The following DCLK1 variants were observed in gnomAD, a reference collection of about 807,000 sequenced individuals.
The protein encoded by DCLK1 is doublecortin like kinase 1.
Under a neutral mutation model 86.2 loss-of-function variants are expected in DCLK1, and 16 were observed. The observed-to-expected ratio is 0.19, with a 90% CI of 0.13 to 0.28. The LOEUF (loss-of-function observed/expected upper bound fraction) is 0.28, where lower values mean the gene tolerates loss of function less well. Ranked by LOEUF, DCLK1 falls within the 10% of genes least tolerant of loss-of-function variation. The probability of loss-of-function intolerance (pLI) is 1.00; values close to 1 mark genes in which losing one functional copy is unlikely to be tolerated. For synonymous variants in DCLK1, 369 were observed against 370.5 expected (o/e 1.00, Z 0.05); for missense variants, 590 against 940.2 (o/e 0.63, Z 4.87).
intron 11 of DCLK1, among the ~76,000 whole-genome samples, chr13:35,812,699 G>T (rs9545434): frequency 6.6e-6 from 1 of 152,018 alleles, no homozygotes; most frequent in Non-Finnish European, 1.5e-5. Flanking sequence ...ATTCTTTTAC[G>T]TTTTCTCCAC....
intron 4 of DCLK1, among the ~76,000 whole-genome samples, chr13:35,900,861 C>T (rs986756176): frequency 6.6e-6 from 1 of 152,156 alleles, no homozygotes; most frequent in Non-Finnish European, 1.5e-5. Context: ...AAATTCCGTG[C>T]ATGGAGTCAT....
rs551019774 is a variant in DCLK1 at position 35,986,841 on chromosome 13, C to T, written c.724-39384G>A. 3.3e-5 allele frequency among the ~76,000 whole-genome samples: 5 copies of T among 152,026 alleles called. No homozygotes were observed. In the East Asian group the frequency reaches 7.8e-4, roughly 24 times the overall value. On this transcript the variant is annotated intron_variant, in intron 3 of 16. Coordinates refer to ENST00000360631, the MANE Select transcript of DCLK1 (RefSeq NM_001330071.2). ...CCTTAGTTTTTCAGGGGTGATGATG[C>T]GCGCAATGGGTATGAAGCACAGAAC...
At chr13:35,879,057 A>G (rs937046930) in intron 4 of DCLK1, among the ~76,000 whole-genome samples, 1 of 152,146 alleles carries the variant, frequency 6.6e-6, no homozygotes, top group African/African-American at 2.4e-5. Flanking sequence ...AAGTGCTGGG[A>G]TTATAGGCAT....
chr13:35,904,152 T>C (rs529871730), intron 4 of DCLK1, among the ~76,000 whole-genome samples: 1 of 152,250 alleles, frequency 6.6e-6, no homozygotes, highest in South Asian at 2.1e-4. Flanking sequence ...TTCAAGCAGC[T>C]CAAAGTATCA....
chr13:36,082,099 AT>A (rs1344869341), intron 3 of DCLK1, among the ~76,000 whole-genome samples: 1 of 152,174 alleles, frequency 6.6e-6, no homozygotes, highest in Admixed American at 6.5e-5. Flanking sequence ...TTATACGCAG[AT>A]TTTTTTCAAT....
intron 3 of DCLK1, among the ~76,000 whole-genome samples, chr13:36,033,486 TAATATTGGTGTGACTC>T (rs1343434002): frequency 6.6e-6 from 1 of 152,204 alleles, no homozygotes; most frequent in African/African-American, 2.4e-5. Flanking sequence ...CATTTATTCT[TAATATTGGTGTGACTC>T]AATATTGGTG....
intron 4 of DCLK1, among the ~76,000 whole-genome samples, chr13:35,885,157 T>C (rs534327480): frequency 5.3e-4 from 81 of 152,276 alleles, no homozygotes; most frequent in Non-Finnish European, 9.0e-4. Context: ...GAATGAGGTA[T>C]CTGTGTTTGG....
chr13:36,045,332 G>GTGTGTATATA (rs1434268651), intron 3 of DCLK1, among the ~76,000 whole-genome samples: 1 of 55,772 alleles, frequency 1.8e-5, no homozygotes, highest in African/African-American at 8.0e-5. Flanking sequence ...GTGTGTGTGT[G>GTGTGTATATA]TATATATATA....
At chr13:35,850,869 T>C (rs1870574367) in intron 6 of DCLK1, 1 of 1,078,866 alleles carries the variant, frequency 9.3e-7, no homozygotes, top group Non-Finnish European at 1.3e-6. Context: ...GCATCCCCAG[T>C]TTCTACTATT....
At chr13:35,996,566 C>T (rs1012812485) in intron 3 of DCLK1, among the ~76,000 whole-genome samples, 1 of 152,170 alleles carries the variant, frequency 6.6e-6, no homozygotes, top group Non-Finnish European at 1.5e-5. Flanking sequence ...GGCTGACCTC[C>T]ACAAGCAGGA....
At chr13:36,131,771 T>C (rs917039688), upstream of DCLK1, among the ~76,000 whole-genome samples, 2 of 152,114 alleles carry the variant, frequency 1.3e-5, no homozygotes, top group African/African-American at 4.8e-5. Flanking sequence ...CACTCATACC[T>C]TTTGATGTGA....
intron 3 of DCLK1, among the ~76,000 whole-genome samples, chr13:36,095,568 A>C (rs1453818975): frequency 6.6e-6 from 1 of 152,202 alleles, no homozygotes; most frequent in Non-Finnish European, 1.5e-5. Flanking sequence ...TTAATGCAAG[A>C]AAATTAAAGA....
chr13:36,066,458 A>G (rs975378509), intron 3 of DCLK1, among the ~76,000 whole-genome samples: 2 of 152,170 alleles, frequency 1.3e-5, no homozygotes, highest in Non-Finnish European at 2.9e-5. Flanking sequence ...TGAAGTAATC[A>G]CTGGTACATT....
At chr13:36,110,371 A>G (rs1239985875) in intron 3 of DCLK1, among the ~76,000 whole-genome samples, 1 of 152,200 alleles carries the variant, frequency 6.6e-6, no homozygotes, top group African/African-American at 2.4e-5. Flanking sequence ...AATCTCATCC[A>G]TTAGAATCCT....
chr13:35,921,250 T>C (rs1339299595), intron 4 of DCLK1, among the ~76,000 whole-genome samples: 1 of 152,128 alleles, frequency 6.6e-6, no homozygotes, highest in Non-Finnish European at 1.5e-5. Flanking sequence ...TTTCTCTCCC[T>C]CCTTCTACTC....
intron 5 of DCLK1, among the ~76,000 whole-genome samples, chr13:35,866,356 A>G (rs1040999478): frequency 6.6e-6 from 1 of 152,164 alleles, no homozygotes; most frequent in Non-Finnish European, 1.5e-5. Context: ...CAATTTCTGT[A>G]TAATATAGGA....
At chr13:35,944,436 C>T (rs375566052) in intron 4 of DCLK1, among the ~76,000 whole-genome samples, 1 of 152,092 alleles carries the variant, frequency 6.6e-6, no homozygotes, top group African/African-American at 2.4e-5. Context: ...TGTGCAAATA[C>T]CACTTAGCAA....
chr13:35,996,526 C>T (rs1264233340), intron 3 of DCLK1, among the ~76,000 whole-genome samples: 1 of 152,190 alleles, frequency 6.6e-6, no homozygotes, highest in Admixed American at 6.5e-5. Context: ...TGGGCCTCAT[C>T]TATTGGTTGA....
chr13:35,838,869 G>A (rs1869588036), intron 7 of DCLK1, among the ~76,000 whole-genome samples: 2 of 152,218 alleles, frequency 1.3e-5, no homozygotes, highest in South Asian at 2.1e-4. Context: ...GCCCTCAGAG[G>A]ATGGGAAATG....
Sources: allele counts gnomAD v4.1 joint callset (sites outside exome capture counted in the v4.1 genomes callset), GRCh38; gene constraint gnomAD v4.1.1; transcripts MANE v1.5; gene names NCBI Gene and HGNC (gene_info 2026-07-23, HGNC 2026-07-21).